The following LRP1B variants were observed in gnomAD, a reference collection of about 807,000 sequenced individuals.
LRP1B encodes the protein LDL receptor related protein 1B.
A neutral mutation model predicts 556.6 loss-of-function variants in LRP1B; 217 were observed. The observed-to-expected ratio is 0.39, with a 90% CI of 0.35 to 0.44. The LOEUF is 0.44. LRP1B is among the 20% of genes least tolerant of loss of function. The pLI is 1.00. For synonymous variants in LRP1B, 2,047 were observed against 1,865.8 expected, an observed-to-expected ratio of 1.10 and a Z score of -2.50; for missense variants, 5,053 against 5,620.8, an observed-to-expected ratio of 0.90 and a Z score of 3.23.
intron 82 of LRP1B, among the ~76,000 whole-genome samples, chr2:140,317,744 TG>T (rs1684588766): frequency 2.6e-5 from 4 of 152,218 alleles, no homozygotes; most frequent in East Asian, 1.9e-4. Flanking sequence ...AGGATTATTA[TG>T]GGGTACTCAT....
At chr2:140,642,075 T>C (rs1370849923) in intron 41 of LRP1B, among the ~76,000 whole-genome samples, 1 of 152,288 alleles carries the variant, frequency 6.6e-6, no homozygotes, top group South Asian at 2.1e-4. Flanking sequence ...TGGACCTTCA[T>C]AGAGGTTTCT....
intron 1 of LRP1B, among the ~76,000 whole-genome samples, chr2:142,114,004 G>A (rs1452303983): frequency 6.6e-6 from 1 of 151,942 alleles, no homozygotes; most frequent in Non-Finnish European, 1.5e-5. Context: ...ACCACCAATT[G>A]GTCATGACTG....
intron 1 of LRP1B, among the ~76,000 whole-genome samples, chr2:142,097,660 C>G (rs572580076): frequency 7.3e-5 from 11 of 151,596 alleles, no homozygotes; most frequent in Non-Finnish European, 1.2e-4. Flanking sequence ...ATACACAGAG[C>G]TATCTACTGA....
chr2:140,550,939 A>G (rs1051847951), intron 43 of LRP1B, among the ~76,000 whole-genome samples: 3 of 152,044 alleles, frequency 2.0e-5, no homozygotes, highest in African/African-American at 7.2e-5. Context: ...GTGGGGCCCC[A>G]GTGATGTAAT....
intron 2 of LRP1B, among the ~76,000 whole-genome samples, chr2:141,738,968 A>G (rs999822255): frequency 6.6e-6 from 1 of 152,150 alleles, no homozygotes; most frequent in Non-Finnish European, 1.5e-5. Flanking sequence ...ATATATCCAC[A>G]CAGACACATT....
chr2:141,909,470 C>T (rs1168378661), intron 1 of LRP1B, among the ~76,000 whole-genome samples: 1 of 149,288 alleles, frequency 6.7e-6, no homozygotes, highest in Non-Finnish European at 1.5e-5. Context: ...TCATTCCTTG[C>T]ATGGGGTAAC....
chr2:140,456,433 A>C, intron 62 of LRP1B, 22 bp downstream of exon 62: 1 of 1,608,150 alleles, frequency 6.2e-7, no homozygotes. Flanking sequence ...CTCTATAATA[A>C]GATTCCCAGA....
intron 1 of LRP1B, among the ~76,000 whole-genome samples, chr2:141,911,685 G>A (rs1699910768): frequency 6.6e-6 from 1 of 152,104 alleles, no homozygotes; most frequent in Admixed American, 6.6e-5. Flanking sequence ...TCTCCATTGT[G>A]CTACAGAGTG....
chr2:140,512,089 T>A (rs1276985205), intron 51 of LRP1B, among the ~76,000 whole-genome samples: 1 of 152,190 alleles, frequency 6.6e-6, no homozygotes, highest in Non-Finnish European at 1.5e-5. Flanking sequence ...TCACTTTAAT[T>A]TGTTCTCAAG....
intron 32 of LRP1B, among the ~76,000 whole-genome samples, chr2:140,781,474 T>C (rs1689695059): frequency 6.6e-6 from 1 of 152,194 alleles, no homozygotes; most frequent in African/African-American, 2.4e-5. Context: ...CTTACAATAT[T>C]CATTAATCCA....
intron 2 of LRP1B, among the ~76,000 whole-genome samples, chr2:141,729,595 C>T (rs754386156): frequency 4.6e-5 from 7 of 152,096 alleles, no homozygotes; most frequent in Admixed American, 6.6e-5. Flanking sequence ...ATGGACAAGA[C>T]GGTTTAAGGA....
At chr2:140,646,081 G>A (rs1392598863) in intron 41 of LRP1B, among the ~76,000 whole-genome samples, 1 of 151,902 alleles carries the variant, frequency 6.6e-6, no homozygotes, top group Non-Finnish European at 1.5e-5. Context: ...TTTATACAAC[G>A]CTCAAAACTC....
chr2:140,345,888 G>T (rs1573823892), intron 77 of LRP1B, among the ~76,000 whole-genome samples: 2 of 136,190 alleles, frequency 1.5e-5, no homozygotes, highest in South Asian at 2.2e-4. Flanking sequence ...AAAAAAAATA[G>T]CATTACTTCT....
intron 23 of LRP1B, among the ~76,000 whole-genome samples, chr2:140,891,250 A>T (rs548385712): frequency 4.6e-5 from 7 of 152,226 alleles, no homozygotes; most frequent in Admixed American, 1.3e-4. Context: ...ATGTACAATT[A>T]TCTTCTTTGT....
At chr2:140,619,991 A>G (rs1683394994) in intron 41 of LRP1B, among the ~76,000 whole-genome samples, 1 of 152,172 alleles carries the variant, frequency 6.6e-6, no homozygotes, top group Admixed American at 6.6e-5. Flanking sequence ...AAACCTGTCA[A>G]AGTTTAATGC....
intron 3 of LRP1B, among the ~76,000 whole-genome samples, chr2:141,380,932 T>C (rs1241029030): frequency 2.6e-5 from 4 of 152,096 alleles, no homozygotes; most frequent in Admixed American, 2.0e-4. Flanking sequence ...TTTGATGAGG[T>C]TCCTGTCTTA....
chr2:141,541,980 T>C (rs1685276713), intron 2 of LRP1B, among the ~76,000 whole-genome samples: 1 of 152,074 alleles, frequency 6.6e-6, no homozygotes, highest in Non-Finnish European at 1.5e-5. Context: ...GGCAAATTTC[T>C]AATAGCTTTG....
chr2:140,552,884 C>T (rs1386001961), intron 43 of LRP1B, among the ~76,000 whole-genome samples: 1 of 152,062 alleles, frequency 6.6e-6, no homozygotes, highest in Non-Finnish European at 1.5e-5. Context: ...CTTGAATTTT[C>T]TTTTTTCAGG....
chr2:140,652,379 T>G (rs1684720061), intron 41 of LRP1B, among the ~76,000 whole-genome samples: 1 of 152,104 alleles, frequency 6.6e-6, no homozygotes, highest in African/African-American at 2.4e-5. Context: ...AAAGATATAA[T>G]TTTTGACTCT....
Sources: allele counts gnomAD v4.1 joint callset (sites outside exome capture counted in the v4.1 genomes callset), GRCh38; gene constraint gnomAD v4.1.1; transcripts MANE v1.5; gene names NCBI Gene and HGNC (gene_info 2026-07-23, HGNC 2026-07-21).